The following DMBX1 variants were observed in gnomAD, a reference collection of about 807,000 sequenced individuals.
DMBX1 encodes diencephalon/mesencephalon homeobox 1, also known as diencephalon/mesencephalon homeobox protein 1.
DMBX1 carries 7 observed loss-of-function variants against 30.4 expected under a neutral mutation model. That is an observed-to-expected ratio of 0.23 (90% CI 0.13 to 0.43). DMBX1 has a LOEUF of 0.43. Ranked by LOEUF, DMBX1 falls within the 20% of genes least tolerant of loss-of-function variation. The pLI is 1.00. For synonymous variants in DMBX1, 222 were observed against 214.2 expected, an observed-to-expected ratio of 1.04 and a Z score of -0.32; for missense variants, 460 against 508.5, an observed-to-expected ratio of 0.90 and a Z score of 0.92.
chr1:46,505,960 G>A (rs1445272396), intron 2 of DMBX1, among the ~76,000 whole-genome samples: 1 of 152,130 alleles, frequency 6.6e-6, no homozygotes, highest in African/African-American at 2.4e-5. Flanking sequence ...TGAGAATAAA[G>A]GGAGGTAATG....
rs150926795 is a variant in DMBX1 at position 46,515,279 on chromosome 1, C to CTGGTTAGG, written c.*2788_*2789insTTAGGTGG. On this transcript the variant is annotated 3_prime_UTR_variant, in exon 6 of 6. Coordinates refer to ENST00000360032, the MANE Select transcript of DMBX1 (RefSeq NM_172225.2). ...TGTTTCTAAAACAAAAAATAATCAT[C>CTGGTTAGG]TGGATAGGTATGGGAAGCTTCCTAG... Among the ~76,000 whole-genome samples the CTGGTTAGG allele has an allele frequency of 5.3e-5, 8 of 151,860 alleles. No individual in the cohort carries two copies. The highest frequency in any genetic ancestry group is 1.3e-4 in the Admixed American group (2 of 15,260).
intron 2 of DMBX1, among the ~76,000 whole-genome samples, chr1:46,492,020 G>T (rs921758398): frequency 6.6e-6 from 1 of 152,204 alleles, no homozygotes; most frequent in Non-Finnish European, 1.5e-5. Flanking sequence ...CAGGAGGGGG[G>T]TAAACACCTT....
chr1:46,508,035 C>T (rs1296830169), intron 3 of DMBX1, among the ~76,000 whole-genome samples: 1 of 151,960 alleles, frequency 6.6e-6, no homozygotes, highest in African/African-American at 2.4e-5. Flanking sequence ...CCTGCCCTGC[C>T]AGCCTCTCGG....
chr1:46,513,300 C>T lies in DMBX1; in HGVS notation c.*806C>T, dbSNP rs1286832966. 1.3e-5 allele frequency: 2 copies of T among 152,288 alleles called. No homozygotes were observed. The highest frequency in any genetic ancestry group is 4.1e-4 in the South Asian group (2 of 4,830). The allele number at this position is 152,288 out of a possible 1,614,324, so 9.4% of individuals were successfully genotyped here. A position where few individuals can be genotyped will look rare whatever the true frequency, so the allele number is the denominator to read the frequency against. On this transcript the variant is annotated 3_prime_UTR_variant, in exon 6 of 6. Coordinates refer to ENST00000360032, the MANE Select transcript of DMBX1 (RefSeq NM_172225.2). ...GGCCTCTCTAGGAAGCTGTTCCTTT[C>T]TATGCCCAATAGAAGCAACAAGGCC...
In DMBX1 at chr1:46,514,391, C is replaced by A. The variant is rs1666450654; in HGVS notation, c.*1897C>A. On this transcript the variant is annotated 3_prime_UTR_variant, in exon 6 of 6. Transcript: ENST00000360032. ...AGTTAAATTGACAACAGAAGGTTCT[C>A]AAAAGCACAATATATGAAGTAGGAA... Among the ~76,000 whole-genome samples, 1 of 152,174 alleles carries A rather than the reference C, an allele frequency of 6.6e-6. No individual in the cohort carries two copies. Among genetic ancestry groups the A allele is most frequent in the Non-Finnish European group, 1.5e-5 (1 of 68,034 alleles).
At position 46,493,220 on chromosome 1, in the gene DMBX1, C is replaced by T. The variant is rs998265259; in HGVS notation, c.-13+2437C>T. 5.3e-5 allele frequency among the ~76,000 whole-genome samples: 8 copies of T among 152,198 alleles called. No individual in the cohort carries two copies. Among genetic ancestry groups the T allele is most frequent in the Non-Finnish European group, 8.8e-5 (6 of 68,024 alleles). The stretch of plus-strand genomic sequence containing the variant: ...ACTGCTGCCCGCCAAAGCCCATTAC[C>T]GAACGAGTAGGGAGGGGCGCTGGGG... On this transcript the variant is annotated intron_variant, in intron 2 of 5. Coordinates refer to ENST00000360032, the MANE Select transcript of DMBX1 (RefSeq NM_172225.2). The surrounding 1 kb of genome is among the most constrained non-coding windows in gnomAD (Gnocchi z 4.1).
At chr1:46,498,967 C>A (rs1391372800) in intron 2 of DMBX1, among the ~76,000 whole-genome samples, 1 of 152,090 alleles carries the variant, frequency 6.6e-6, no homozygotes, top group Non-Finnish European at 1.5e-5. Flanking sequence ...CACACAGCTT[C>A]ATCTCACAGC....
intron 2 of DMBX1, among the ~76,000 whole-genome samples, chr1:46,506,260 G>A (rs1666234192): frequency 6.6e-6 from 1 of 152,322 alleles, no homozygotes; most frequent in African/African-American, 2.4e-5. Flanking sequence ...GTTTCACTAT[G>A]TTGGCCAGGC....
At chr1:46,502,159 T>G (rs1460135543) in intron 2 of DMBX1, among the ~76,000 whole-genome samples, 3 of 152,152 alleles carry the variant, frequency 2.0e-5, no homozygotes, top group Non-Finnish European at 1.5e-5. Flanking sequence ...AGCCCTCAGC[T>G]CCAGACTTCT....
At chr1:46,509,398 C>T (rs11211296) in intron 3 of DMBX1, among the ~76,000 whole-genome samples, 4,052 of 152,236 alleles carry the variant, frequency 0.027, 170 homozygotes, top group African/African-American at 0.092. Context: ...TGGATGACTT[C>T]CCATTCCCTG....
Position 46,494,540 on chromosome 1 carries a change from C to T in DMBX1, c.-13+3757C>T, listed in dbSNP as rs145423793. 3.7e-3 allele frequency among the ~76,000 whole-genome samples: 568 copies of T among 152,282 alleles called. 6 individuals carry two copies. Among genetic ancestry groups the T allele is most frequent in the South Asian group, 0.024 (116 of 4,824 alleles). ...TATAGGGAACTAAGAGCCCCGACTC[C>T]TTCAAAGGGCCACTGGCCGGTGGTT... On this transcript the variant is annotated intron_variant, in intron 2 of 5. Coordinates refer to ENST00000360032, the MANE Select transcript of DMBX1 (RefSeq NM_172225.2).
rs886464818 is a variant in DMBX1, at chr1:46,511,113, C to T, written c.512C>T (p.Pro171Leu). ...CCACGTCTGCCTGGCAGCGACCCCC[C>T]TGCTGAGCTTCACCTGAGTCTGTCT... ...QPPRLPGSDPPAELHLSLSEQ... is the reference protein window; with the variant it reads ...QPPRLPGSDPLAELHLSLSEQ... The change falls in exon 5 of 6, where the codon CCT (proline) becomes CTT (leucine). Residue 171 changes from proline to leucine, a missense_variant. This residue lies in a region of DMBX1 where 334 missense variants were observed against 345.1 expected (regional missense o/e 0.97). Coordinates refer to ENST00000360032, the MANE Select transcript of DMBX1 (RefSeq NM_172225.2). 3.1e-6 allele frequency: 5 copies of T among 1,613,986 alleles called. No individual in the cohort carries two copies. The highest frequency in any genetic ancestry group is 4.2e-6 in the Non-Finnish European group (5 of 1,180,034).
At position 46,507,020 on chromosome 1, in the gene DMBX1, T is replaced by C; in HGVS notation, c.10T>C (p.Tyr4His). ...GTAGGCGGATGCCGCCATGCAGCAC[T>C]ACGGGGTGAACGGCTACTCACTGCA... is the stretch of plus-strand genomic sequence containing the variant. MQHYGVNGYSLHAM... is the reference protein window; with the variant it reads MQHHGVNGYSLHAM... The change falls in exon 3 of 6, where the codon TAC (tyrosine) becomes CAC (histidine). Residue 4 changes from tyrosine to histidine, a missense_variant. Physicochemically the swap from Tyr to His is moderately conservative, Grantham distance 83 (BLOSUM62 2). Transcript: ENST00000360032. 2 of 1,614,186 alleles carry C rather than the reference T, an allele frequency of 1.2e-6. No homozygotes were observed. The highest frequency in any genetic ancestry group is 1.7e-6 in the Non-Finnish European group (2 of 1,180,034).
In DMBX1 at chr1:46,511,081, G is replaced by A. The variant is rs762317554; in HGVS notation, c.480G>A (p.Glu160=). ...APTPDTQLDT[E]QPPRLPGSDP... ...CTCCAGATACCCAGCTGGACACTGA[G>A]CAGCCCCCACGTCTGCCTGGCAGCG... is the stretch of plus-strand genomic sequence containing the variant. The change falls in exon 5 of 6, where the codon GAG becomes GAA. Residue 160 remains glutamate (E), a synonymous_variant. Coordinates refer to ENST00000360032, the MANE Select transcript of DMBX1 (RefSeq NM_172225.2). The A allele has an allele frequency of 6.8e-6, 11 of 1,614,118 alleles. No individual in the cohort carries two copies. Among genetic ancestry groups the A allele is most frequent in the Non-Finnish European group, 9.3e-6 (11 of 1,180,016 alleles).
chr1:46,494,935 G>A (rs2148481388), intron 2 of DMBX1, among the ~76,000 whole-genome samples: 1 of 152,310 alleles, frequency 6.6e-6, no homozygotes, highest in Middle Eastern at 3.4e-3. Flanking sequence ...GGCTGGGGGA[G>A]GGAACATGGC....
intron 1 of DMBX1, among the ~76,000 whole-genome samples, chr1:46,490,199 G>A (rs1271479311): frequency 6.6e-6 from 1 of 152,156 alleles, no homozygotes; most frequent in African/African-American, 2.4e-5. Flanking sequence ...AAAGAGCGCA[G>A]AACTCGAAAT....
chr1:46,496,440 C>T (rs1222543349), intron 2 of DMBX1, among the ~76,000 whole-genome samples: 1 of 152,214 alleles, frequency 6.6e-6, no homozygotes, highest in East Asian at 1.9e-4. Flanking sequence ...GCCAAAGGGA[C>T]TCACCTTCCT....
In DMBX1 at chr1:46,511,407, C is replaced by T. The variant is rs1270999642; in HGVS notation, c.682+124C>T. On this transcript the variant is annotated intron_variant, in intron 5 of 5. Coordinates refer to ENST00000360032, the MANE Select transcript of DMBX1 (RefSeq NM_172225.2). ...GCGCATCAGAAAGGACTGACCACAG[C>T]AGGCCTGGGCCAGGTTTTCACCCTT... is the stretch of plus-strand genomic sequence containing the variant. 3 of 1,127,634 alleles carry T rather than the reference C, an allele frequency of 2.7e-6. No homozygotes were observed. The African/African-American group carries it at 4.7e-5, about 18-fold the overall frequency. The allele number at this position is 1,127,634 out of a possible 1,614,324, so 69.9% of individuals were successfully genotyped here. A position where few individuals can be genotyped will look rare whatever the true frequency, so the allele number is the denominator to read the frequency against.
At chr1:46,511,463 G>A (rs904052656) in intron 5 of DMBX1, among the ~76,000 whole-genome samples, 180 bp downstream of exon 5, 1 of 152,222 alleles carries the variant, frequency 6.6e-6, no homozygotes, top group Admixed American at 6.5e-5. Context: ...GGTCCAGGGG[G>A]TCCTGAGGGA....
Sources: allele counts gnomAD v4.1 joint callset (sites outside exome capture counted in the v4.1 genomes callset), GRCh38; gene constraint gnomAD v4.1.1; regional missense constraint gnomAD v4.1.1; non-coding constraint Gnocchi (gnomAD v3.1); transcripts MANE v1.5; gene names NCBI Gene and HGNC (gene_info 2026-07-23, HGNC 2026-07-21).